Variants in CNTNAP2 observed in about 807,000 individuals in gnomAD.
The protein encoded by CNTNAP2 is contactin associated protein 2, also known as contactin-associated protein-like 2.
Under a neutral mutation model 155.2 loss-of-function variants are expected in CNTNAP2, and 98 were observed. The observed-to-expected ratio is 0.63, with a 90% CI of 0.54 to 0.75. CNTNAP2 has a LOEUF of 0.75. CNTNAP2 is among the 30% of genes least tolerant of loss of function. The pLI is 0.00. For synonymous variants in CNTNAP2, 651 were observed against 631.2 expected (o/e 1.03, Z -0.47); for missense variants, 1,727 against 1,688.1 (o/e 1.02, Z -0.40).
At chr7:147,011,238 A>G (rs1274834363) in intron 3 of CNTNAP2, among the ~76,000 whole-genome samples, 1 of 151,422 alleles carries the variant, frequency 6.6e-6, no homozygotes, top group Non-Finnish European at 1.5e-5. Flanking sequence ...ACATCATGAA[A>G]CCCCGTCTCT....
chr7:147,074,600 C>A (rs1369796710), intron 4 of CNTNAP2, among the ~76,000 whole-genome samples: 1 of 151,936 alleles, frequency 6.6e-6, no homozygotes, highest in Non-Finnish European at 1.5e-5. Context: ...TATATGGAAC[C>A]TTTTAGAAGT....
intron 20 of CNTNAP2, among the ~76,000 whole-genome samples, chr7:148,236,690 A>AC (rs1258235192): frequency 6.6e-5 from 10 of 152,288 alleles, no homozygotes; most frequent in African/African-American, 2.4e-4. Context: ...TAATTCATAA[A>AC]GAAAAAAAAG....
chr7:147,477,149 A>T (rs1253586601), intron 10 of CNTNAP2, among the ~76,000 whole-genome samples: 1 of 152,078 alleles, frequency 6.6e-6, no homozygotes, highest in Non-Finnish European at 1.5e-5. Context: ...AAGGCTAAAT[A>T]TTTTTTTGGG....
intron 11 of CNTNAP2, among the ~76,000 whole-genome samples, chr7:147,530,194 T>C (rs1292674830): frequency 2.0e-5 from 3 of 151,332 alleles, no homozygotes; most frequent in Non-Finnish European, 4.4e-5. Flanking sequence ...CACTTTTTTT[T>C]TTTTTTTTTG....
intron 21 of CNTNAP2, among the ~76,000 whole-genome samples, chr7:148,271,397 G>C (rs956666460): frequency 1.3e-5 from 2 of 152,268 alleles, no homozygotes; most frequent in East Asian, 3.9e-4. Context: ...ACCCCAAGTT[G>C]TGACAACCAA....
rs549874332 is a variant in CNTNAP2 at position 147,290,795 on chromosome 7, C to T, written c.1349-9346C>T. ...TGAGACCTTAAACAAGAAGGCAAAG[C>T]GTTAGCTCAGTTGGAAACTTGTGCC... On this transcript the variant is annotated intron_variant, in intron 8 of 23. Coordinates refer to ENST00000361727, the MANE Select transcript of CNTNAP2 (RefSeq NM_014141.6). Among the ~76,000 whole-genome samples, 50 of 151,990 alleles carry T rather than the reference C, an allele frequency of 3.3e-4. 2 individuals carry two copies. The highest frequency in any genetic ancestry group is 1.9e-3 in the South Asian group (9 of 4,816).
At chr7:147,426,203 AAAAG>A (rs1313510765) in intron 10 of CNTNAP2, among the ~76,000 whole-genome samples, 1 of 151,996 alleles carries the variant, frequency 6.6e-6, no homozygotes, top group Non-Finnish European at 1.5e-5. Flanking sequence ...TTTTAAATAA[AAAAG>A]AGCCTAAATA....
intron 12 of CNTNAP2, among the ~76,000 whole-genome samples, chr7:147,594,981 A>T (rs760676468): frequency 2.0e-5 from 3 of 152,158 alleles, no homozygotes; most frequent in Non-Finnish European, 4.4e-5. Context: ...AAAAGAAGAA[A>T]TAAAATTGCT....
intron 1 of CNTNAP2, among the ~76,000 whole-genome samples, chr7:146,461,417 T>TA (rs1309330326): frequency 0.018 from 2,635 of 145,164 alleles, 75 homozygotes; most frequent in African/African-American, 0.064. Context: ...AAAAAAAAAA[T>TA]ATAATAATAA....
intron 16 of CNTNAP2, among the ~76,000 whole-genome samples, chr7:148,146,688 C>T (rs1055657891): frequency 6.6e-6 from 1 of 152,164 alleles, no homozygotes; most frequent in African/African-American, 2.4e-5. Flanking sequence ...TGTTGTGCTA[C>T]CTTTCAGGTA....
intron 8 of CNTNAP2, among the ~76,000 whole-genome samples, chr7:147,173,586 G>C (rs1159471131): frequency 6.6e-6 from 1 of 152,138 alleles, no homozygotes; most frequent in Non-Finnish European, 1.5e-5. Flanking sequence ...AAAACATTTT[G>C]TGTATTTCGT....
intron 1 of CNTNAP2, among the ~76,000 whole-genome samples, chr7:146,465,122 T>TAC (rs143263379): frequency 2.2e-4 from 33 of 151,652 alleles, no homozygotes; most frequent in Non-Finnish European, 3.1e-4. Context: ...AGTCTAAACA[T>TAC]ACACACACAC....
chr7:147,984,716 G>A (rs1340368091), intron 15 of CNTNAP2, among the ~76,000 whole-genome samples: 3 of 152,120 alleles, frequency 2.0e-5, no homozygotes, highest in Admixed American at 1.3e-4. Context: ...GAGAATCACA[G>A]AATGATTTCT....
intron 1 of CNTNAP2, among the ~76,000 whole-genome samples, chr7:146,471,256 CTCTG>C (rs749014527): frequency 2.0e-5 from 3 of 152,188 alleles, no homozygotes; most frequent in South Asian, 2.1e-4. Flanking sequence ...ACTGGCCTTC[CTCTG>C]TCTGGCCACA....
intron 13 of CNTNAP2, among the ~76,000 whole-genome samples, chr7:147,700,175 T>C (rs1019846560): frequency 1.3e-5 from 2 of 152,216 alleles, no homozygotes; most frequent in African/African-American, 2.4e-5. Context: ...AGTTCCCTAG[T>C]TGTATTAAAA....
intron 1 of CNTNAP2, among the ~76,000 whole-genome samples, chr7:146,393,124 A>G (rs989418267): frequency 1.3e-5 from 2 of 152,186 alleles, no homozygotes; most frequent in African/African-American, 2.4e-5. Flanking sequence ...ATACATTGTT[A>G]GTATTTTTCC....
At position 147,555,636 on chromosome 7, in the gene CNTNAP2, T is replaced by C. The variant is rs1584810254; in HGVS notation, c.1778-6502T>C. Among the ~76,000 whole-genome samples, 3 of 152,256 alleles carry C rather than the reference T, an allele frequency of 2.0e-5. No homozygotes were observed. In the South Asian group the frequency reaches 6.2e-4, roughly 32 times the overall value. On this transcript the variant is annotated intron_variant, in intron 11 of 23. Transcript: ENST00000361727. ...TCTGTACAGTCAGGAAGACTGCTTA[T>C]GATGTTCCAAAGATAACCTTTATGT...
At chr7:146,929,006 C>A (rs959821557) in intron 3 of CNTNAP2, among the ~76,000 whole-genome samples, 5 of 152,220 alleles carry the variant, frequency 3.3e-5, no homozygotes, top group Non-Finnish European at 7.3e-5. Flanking sequence ...CCTCTGGGGG[C>A]AGGGCACAGA....
intron 13 of CNTNAP2, among the ~76,000 whole-genome samples, chr7:147,754,634 AGAT>A (rs1403271828): frequency 6.6e-6 from 1 of 152,242 alleles, no homozygotes; most frequent in African/African-American, 2.4e-5. Context: ...ATCATGTATT[AGAT>A]GAGAATATGG....
Sources: allele counts gnomAD v4.1 joint callset (sites outside exome capture counted in the v4.1 genomes callset), GRCh38; gene constraint gnomAD v4.1.1; transcripts MANE v1.5; gene names NCBI Gene and HGNC (gene_info 2026-07-23, HGNC 2026-07-21).